NALF1: variants seen among roughly 807,000 people sequenced by gnomAD.
NALF1 encodes the protein NALCN channel auxiliary factor 1, also known as family with sequence similarity 155 member A.
NALF1 carries 3 observed loss-of-function variants against 48.4 expected under a neutral mutation model. The ratio of observed to expected loss-of-function variants is 0.06; its 90% CI spans 0.03 to 0.16. NALF1 has a LOEUF of 0.16. Among genes scored for constraint, NALF1 ranks in the 10% least tolerant of loss-of-function variants. The pLI is 1.00. For missense variants in NALF1, 526 were observed against 571.5 expected (o/e 0.92, Z 0.81); for synonymous variants, 262 against 245.7 (o/e 1.07, Z -0.62).
chr13:107,740,168 A>G (rs1242272542), intron 1 of NALF1, among the ~76,000 whole-genome samples: 1 of 152,234 alleles, frequency 6.6e-6, no homozygotes, highest in Non-Finnish European at 1.5e-5. Flanking sequence ...TGAAATCAGT[A>G]TAACTCAATA....
intron 1 of NALF1, among the ~76,000 whole-genome samples, chr13:107,377,928 T>G (rs1328761671): frequency 1.3e-5 from 2 of 152,238 alleles, no homozygotes; most frequent in Admixed American, 6.5e-5. Context: ...TCACAAAGTA[T>G]GCATGTTATT....
At chr13:107,555,435 G>C (rs1300196935) in intron 1 of NALF1, among the ~76,000 whole-genome samples, 1 of 133,492 alleles carries the variant, frequency 7.5e-6, no homozygotes. Context: ...ACCAAGCCTG[G>C]CTAATTTTTT....
chr13:107,749,048 A>G (rs1023944174), intron 1 of NALF1, among the ~76,000 whole-genome samples: 1 of 152,034 alleles, frequency 6.6e-6, no homozygotes, highest in African/African-American at 2.4e-5. Context: ...ATAGAATGCT[A>G]TTCCTGAAAG....
Position 107,387,505 on chromosome 13 carries a change from G to A in NALF1, c.916-176750C>T, listed in dbSNP as rs146917310. Reference sequence around the variant, plus strand: ...CTACTGCTGTCTTGTTCAATTGAAAGCATGCTGCTAGATTAAAAAGGAGTT... The same window carrying A: ...CTACTGCTGTCTTGTTCAATTGAAAACATGCTGCTAGATTAAAAAGGAGTT... On this transcript the variant is annotated intron_variant, in intron 1 of 2. Coordinates refer to ENST00000375915, the MANE Select transcript of NALF1 (RefSeq NM_001080396.3). 4.5e-3 allele frequency among the ~76,000 whole-genome samples: 680 copies of A among 152,256 alleles called. 5 individuals are homozygous for A. The highest frequency in any genetic ancestry group is 0.015 in the African/African-American group (616 of 41,548).
rs75077299 is a variant in NALF1 at position 107,214,894 on chromosome 13, T to C, written c.916-4139A>G. ...CTTGAGACTTGTTTGGGAAATGTTT[T>C]ACAAATAAGGAAACGTATACAGGGA... On this transcript the variant is annotated intron_variant, in intron 1 of 2. Coordinates refer to ENST00000375915, the MANE Select transcript of NALF1 (RefSeq NM_001080396.3). Among the ~76,000 whole-genome samples, 1,359 of 152,336 alleles carry C rather than the reference T, an allele frequency of 8.9e-3. 19 individuals carry two copies. The highest frequency in any genetic ancestry group is 0.032 in the African/African-American group (1,310 of 41,566).
chr13:107,802,094 A>C (rs980650724), intron 1 of NALF1, among the ~76,000 whole-genome samples: 3 of 152,212 alleles, frequency 2.0e-5, no homozygotes, highest in Middle Eastern at 3.2e-3. Context: ...ATTAACAAAA[A>C]GTTGCTAAAT....
chr13:107,620,473 T>G (rs116110085), intron 1 of NALF1, among the ~76,000 whole-genome samples: 1 of 152,202 alleles, frequency 6.6e-6, no homozygotes, highest in Non-Finnish European at 1.5e-5. Flanking sequence ...CAAATCTGAT[T>G]CCTAATCAGC....
chr13:107,413,533 T>C (rs1230540990), intron 1 of NALF1, among the ~76,000 whole-genome samples: 1 of 152,200 alleles, frequency 6.6e-6, no homozygotes, highest in Non-Finnish European at 1.5e-5. Flanking sequence ...AGATGCTGGT[T>C]AATTAAGTAA....
intron 1 of NALF1, among the ~76,000 whole-genome samples, chr13:107,269,913 ATTTTTTTTTTTTTTTTTT>A (rs71121514): frequency 1.1e-5 from 1 of 89,044 alleles, no homozygotes; most frequent in Admixed American, 1.3e-4. Context: ...CGCCCGGCTA[ATTTTTTTTTTTTTTTTTT>A]TTTTTTTTTT....
At chr13:107,350,095 C>T (rs778717935) in intron 1 of NALF1, among the ~76,000 whole-genome samples, 33 of 152,160 alleles carry the variant, frequency 2.2e-4, no homozygotes, top group Non-Finnish European at 4.4e-4. Context: ...AGGCAGAGCT[C>T]AGGCGGTAAT....
chr13:107,439,176 T>C (rs2139024530), intron 1 of NALF1, among the ~76,000 whole-genome samples: 1 of 152,292 alleles, frequency 6.6e-6, no homozygotes, highest in Non-Finnish European at 1.5e-5. Context: ...ATGTGTTAAT[T>C]TAGTATCCAG....
chr13:107,820,709 G>A (rs1191249432), intron 1 of NALF1, among the ~76,000 whole-genome samples: 1 of 152,072 alleles, frequency 6.6e-6, no homozygotes, highest in East Asian at 1.9e-4. Context: ...ATGTTTCCCA[G>A]TCCTCACTAA....
intron 1 of NALF1, among the ~76,000 whole-genome samples, chr13:107,731,282 A>G (rs1278426473): frequency 6.6e-6 from 1 of 152,164 alleles, no homozygotes; most frequent in Non-Finnish European, 1.5e-5. Context: ...TTAACATGGC[A>G]AAAATATCAT....
chr13:107,437,688 T>A (rs1490585426), intron 1 of NALF1, among the ~76,000 whole-genome samples: 1 of 152,166 alleles, frequency 6.6e-6, no homozygotes, highest in African/African-American at 2.4e-5. Context: ...TGGCAGACCA[T>A]GTGAGAAAAG....
rs182638934 is a variant in NALF1, at chr13:107,257,321, C to T, written c.916-46566G>A. On this transcript the variant is annotated intron_variant, in intron 1 of 2. Transcript: ENST00000375915. ...CCACAGGATTTGGTAGGAATAAGAC[C>T]GTTGTGACTACTGTGATCTCTCCTC... 7.2e-5 allele frequency among the ~76,000 whole-genome samples: 11 copies of T among 152,160 alleles called. No individual in the cohort carries two copies. The East Asian group carries it at 1.2e-3, about 16-fold the overall frequency.
intron 1 of NALF1, among the ~76,000 whole-genome samples, chr13:107,668,312 G>C (rs1311337944): frequency 6.6e-6 from 1 of 152,042 alleles, no homozygotes; most frequent in African/African-American, 2.4e-5. Flanking sequence ...GGTTTGGAAA[G>C]TCCCTGATCC....
intron 1 of NALF1, among the ~76,000 whole-genome samples, chr13:107,399,030 T>C (rs1168181514): frequency 6.6e-6 from 1 of 152,190 alleles, no homozygotes; most frequent in Non-Finnish European, 1.5e-5. Context: ...GACATGGTCA[T>C]AGGTTAGAGC....
chr13:107,256,358 G>C lies in NALF1; in HGVS notation c.916-45603C>G, dbSNP rs565892981. 2.8e-4 allele frequency among the ~76,000 whole-genome samples: 43 copies of C among 152,208 alleles called. 1 individual carries two copies. The South Asian group carries it at 7.9e-3, about 28-fold the overall frequency. ...AAGGAGCTTGAAGTCAGCCATAACG[G>C]GAGTATTTACACCACAGAAACTGGC... On this transcript the variant is annotated intron_variant, in intron 1 of 2. Coordinates refer to ENST00000375915, the MANE Select transcript of NALF1 (RefSeq NM_001080396.3).
chr13:107,838,784 G>A lies in NALF1; in HGVS notation c.915+26898C>T, dbSNP rs1879971530. On this transcript the variant is annotated intron_variant, in intron 1 of 2. Transcript: ENST00000375915. ...GAGGTTCCAGTTACTCCCTGAGCAG[G>A]TGGGAGGATGGCGCAGAGCTCTTCA... Among the ~76,000 whole-genome samples the A allele has an allele frequency of 2.6e-5, 4 of 152,298 alleles. No homozygotes were observed. In the South Asian group the frequency reaches 8.3e-4, roughly 32 times the overall value.
Sources: gnomAD v4.1 joint callset for allele counts (sites outside exome capture counted in the v4.1 genomes callset) on GRCh38, gnomAD v4.1.1 for gene constraint, MANE v1.5 for transcripts, NCBI Gene and HGNC (gene_info 2026-07-23, HGNC 2026-07-21) for gene names.